TMC6: variants seen among roughly 807,000 people sequenced by gnomAD.
TMC6 encodes transmembrane channel-like protein 6.
A neutral mutation model predicts 95.4 loss-of-function variants in TMC6; 71 were observed. That is an observed-to-expected ratio of 0.74 (90% CI 0.61 to 0.91). The LOEUF (loss-of-function observed/expected upper bound fraction) is 0.91. Among genes scored for constraint, TMC6 ranks in the 40% least tolerant of loss-of-function variants. The pLI, the probability that TMC6 is intolerant of heterozygous loss-of-function variation, is 0.00. For synonymous variants in TMC6, 514 were observed against 483.1 expected (o/e 1.06, Z -0.84); for missense variants, 1,074 against 1,079.1 (o/e 1.00, Z 0.07).
intron 13 of TMC6, chr17:78,120,242 C>T: frequency 2.8e-6 from 1 of 362,704 alleles, no homozygotes; most frequent in Non-Finnish European, 5.4e-6. Flanking sequence ...TCACTACAAC[C>T]TCCGCTTCCC....
At chr17:78,120,287 G>C in intron 13 of TMC6, 1 of 374,128 alleles carries the variant, frequency 2.7e-6, no homozygotes, top group South Asian at 2.0e-5. Context: ...TGCCTCCCGA[G>C]TAGCTGGGAC....
At chr17:78,116,426 CCA>C (rs1240298326) in intron 18 of TMC6, among the ~76,000 whole-genome samples, 1 of 152,056 alleles carries the variant, frequency 6.6e-6, no homozygotes, top group Non-Finnish European at 1.5e-5. Flanking sequence ...GTGCACACCA[CCA>C]CACCCAGCTA....
chr17:78,129,123 C>A (rs543413534), upstream of TMC6, among the ~76,000 whole-genome samples: 582 of 151,404 alleles, frequency 3.8e-3, 1 homozygote, highest in African/African-American at 0.012. This position sits in a 1 kb window ranked among gnomAD's most constrained non-coding sequence, Gnocchi z 4.3. Context: ...AGCGCCCCCC[C>A]CCCCGCCGCC....
rs1252228394 is a variant in TMC6, at chr17:78,126,202, G to C, written c.271+75C>G. The C allele has an allele frequency of 5.3e-6, 8 of 1,521,544 alleles. No individual in the cohort carries two copies. In the Admixed American group the frequency reaches 1.6e-4, roughly 30 times the overall value. The allele number at this position is 1,521,544 out of a possible 1,614,324, so 94.3% of individuals were successfully genotyped here. A position where few individuals can be genotyped will look rare whatever the true frequency, so the allele number is the denominator to read the frequency against. On this transcript the variant is annotated intron_variant, in intron 4 of 19. Transcript: ENST00000590602. ...CACTACCCAGGGAGATGCCTGGCAG[G>C]AAGCCCAGCCCAGCCCCAGGGACTG... is the stretch of plus-strand genomic sequence containing the variant.
chr17:78,112,783 TG>T lies in TMC6; in HGVS notation c.*364del. 2.7e-6 allele frequency: 1 copy of T among 365,506 alleles called. No homozygotes were observed. Among genetic ancestry groups the T allele is most frequent in the Non-Finnish European group, 5.0e-6 (1 of 198,166 alleles). The allele number at this position is 365,506 out of a possible 1,614,324, so 22.6% of individuals were successfully genotyped here. ...CTGGCGCGGTCCAGCCCCTGCCATC[TG>T]GGGCTTGGCCAGCAGAGGGCGCCCC... On this transcript the variant is annotated 3_prime_UTR_variant, in exon 20 of 20. Transcript: ENST00000590602.
At position 78,124,318 on chromosome 17, in the gene TMC6, A is replaced by C. The variant is rs73999643; in HGVS notation, c.892-139T>G. On this transcript the variant is annotated intron_variant, in intron 8 of 19. Transcript: ENST00000590602. ...AACAGGGAGGGGCCTTGGCCACAGC[A>C]ATCTTGGGCCTCCAGCCCCATGGGA... 2,434 of 1,345,608 alleles carry C rather than the reference A, an allele frequency of 1.8e-3. 35 individuals are homozygous for C. In the African/African-American group the frequency reaches 0.03, roughly 17 times the overall value. The allele number at this position is 1,345,608 out of a possible 1,614,324, so 83.4% of individuals were successfully genotyped here.
chr17:78,115,183 A>G (rs560813194), intron 18 of TMC6, among the ~76,000 whole-genome samples: 3 of 152,306 alleles, frequency 2.0e-5, no homozygotes, highest in South Asian at 2.1e-4. Context: ...AGTGCTTGGG[A>G]CGAGCTGGGA....
intron 13 of TMC6, chr17:78,120,367 C>T (rs2074351379): frequency 9.8e-6 from 5 of 509,260 alleles, no homozygotes; most frequent in South Asian, 4.7e-5. Flanking sequence ...GCCATGCTGG[C>T]CAGGCTGGTC....
At chr17:78,123,742 G>A (rs2074545990) in intron 9 of TMC6, among the ~76,000 whole-genome samples, 1 of 143,432 alleles carries the variant, frequency 7.0e-6, no homozygotes, top group Admixed American at 6.9e-5. Flanking sequence ...ATGGCTGAAT[G>A]GGTAAATGGG....
At chr17:78,118,557 A>AAAAAT (rs112527893) in intron 15 of TMC6, among the ~76,000 whole-genome samples, 78,956 of 149,866 alleles carry the variant, frequency 0.53, 22,220 homozygotes, top group African/African-American at 0.71. Flanking sequence ...CTCTGTCTCA[A>AAAAAT]AAAATAAAAT....
intron 6 of TMC6, 75 bp downstream of exon 6, chr17:78,125,083 C>G: frequency 1.3e-6 from 2 of 1,542,620 alleles, no homozygotes; most frequent in South Asian, 1.2e-5. Context: ...CCTTCTCCCC[C>G]ACCACCTAGC....
chr17:78,124,431 G>A (rs2074590645), intron 8 of TMC6, 93 bp downstream of exon 8: 2 of 1,575,030 alleles, frequency 1.3e-6, no homozygotes, highest in Admixed American at 1.7e-5. Context: ...GCAAGGGTTG[G>A]GGGCCCCAGG....
In TMC6 at chr17:78,117,346, C is replaced by T; in HGVS notation, c.2200G>A (p.Ala734Thr). 1 of 1,613,378 alleles carries T rather than the reference C, an allele frequency of 6.2e-7. No homozygotes were observed. The highest frequency in any genetic ancestry group is 1.1e-5 in the South Asian group (1 of 91,082). ...ACCTGGATGTTGAGGTAGATCACGG[C>T]CCTGCGGGAGAGGGGCTGTCGGGCA... is the stretch of plus-strand genomic sequence containing the variant. ...FVFLVSALLL[A>T]VIYLNIQVVR... The change falls in exon 18 of 20, where the codon GCC (alanine) becomes ACC (threonine). Residue 734 changes from alanine (A) to threonine (T), a missense_variant and splice_region_variant. Coordinates refer to ENST00000590602, the MANE Select transcript of TMC6 (RefSeq NM_001127198.5).
At chr17:78,113,751 A>G in intron 18 of TMC6, 127 bp from the exon 19 acceptor site, 1 of 993,420 alleles carries the variant, frequency 1.0e-6, no homozygotes, top group Non-Finnish European at 1.6e-6. Flanking sequence ...GCAAAAACAT[A>G]AAAGAAAAGG....
rs1252137655 is a variant in TMC6 at position 78,113,187 on chromosome 17, C to G, written c.2379G>C (p.Ala793=). 12 of 1,558,084 alleles carry G rather than the reference C, an allele frequency of 7.7e-6. No homozygotes were observed. In the South Asian group the frequency reaches 1.4e-4, roughly 18 times the overall value. The change falls in exon 20 of 20, where the codon GCG becomes GCC. Residue 793 remains alanine (A), a synonymous_variant. Coordinates refer to ENST00000590602, the MANE Select transcript of TMC6 (RefSeq NM_001127198.5). ...CATCTGTGAGCAGGGCAGGGGGTGC[C>G]GCAGCCTCCTCGGTTGTCCCAACCC... ...RSRVGTTEEA[A]APPALLTDEQ...
chr17:78,111,016 AGCC>A lies in TMC6; in HGVS notation c.*2129_*2131del, dbSNP rs1328216108. ...GGCTGGACATCCAGTGGGAGTGGGA[AGCC>A]GCCGTCTCAAGGCAGAATTCCCTCT... On this transcript the variant is annotated 3_prime_UTR_variant, in exon 20 of 20. Coordinates refer to ENST00000590602, the MANE Select transcript of TMC6 (RefSeq NM_001127198.5). 6.6e-6 allele frequency: 1 copy of A among 152,224 alleles called. No homozygotes were observed. Among genetic ancestry groups the A allele is most frequent in the Non-Finnish European group, 1.5e-5 (1 of 68,042 alleles). 9.4% of individuals were successfully genotyped at this position (152,224 alleles called of 1,614,324 possible).
chr17:78,116,527 C>T (rs1012010530), intron 18 of TMC6, among the ~76,000 whole-genome samples: 1 of 152,060 alleles, frequency 6.6e-6, no homozygotes, highest in Non-Finnish European at 1.5e-5. Flanking sequence ...CCCACCTTGG[C>T]CTCCCAAAGC....
chr17:78,120,234 A>C, intron 13 of TMC6: 1 of 350,164 alleles, frequency 2.9e-6, no homozygotes, highest in South Asian at 2.1e-5. Context: ...ATCTCAGCTC[A>C]CTACAACCTC....
At chr17:78,123,960 G>C (rs2145323111) in intron 9 of TMC6, 29 bp downstream of exon 9, 1 of 1,612,876 alleles carries the variant, frequency 6.2e-7, no homozygotes, top group Non-Finnish European at 8.5e-7. Flanking sequence ...GTGGAGCTCG[G>C]AGCCTGGGTC....
Sources: gnomAD v4.1 joint callset for allele counts (sites outside exome capture counted in the v4.1 genomes callset) on GRCh38, gnomAD v4.1.1 for gene constraint, Gnocchi (gnomAD v3.1) non-coding constraint, MANE v1.5 for transcripts, NCBI Gene and HGNC (gene_info 2026-07-23, HGNC 2026-07-21) for gene names.